The following POFUT3 variants were observed in gnomAD, a reference collection of about 807,000 sequenced individuals.
POFUT3 encodes the protein GDP-fucose protein O-fucosyltransferase 3.
chr8:33,342,649 C>T, the POFUT3 span, among the ~76,000 whole-genome samples: 1 of 152,134 alleles, frequency 6.6e-6, no homozygotes, highest in Admixed American at 6.5e-5. Flanking sequence ...AAAACTAAAA[C>T]TAGTGACAAC....
At chr8:33,331,659 A>C in the POFUT3 span, among the ~76,000 whole-genome samples, 1 of 148,192 alleles carries the variant, frequency 6.7e-6, no homozygotes, top group Non-Finnish European at 1.5e-5. Flanking sequence ...CTATCTCTAA[A>C]GATTTTGTTG....
chr8:33,390,342 C>T, the POFUT3 span, among the ~76,000 whole-genome samples: 6,866 of 151,798 alleles, frequency 0.045, 505 homozygotes, highest in African/African-American at 0.16. Context: ...TCTCATTTTA[C>T]GAAAAAGGAA....
At chr8:33,385,756 T>C in the POFUT3 span, among the ~76,000 whole-genome samples, 155 of 151,932 alleles carry the variant, frequency 1.0e-3, no homozygotes, top group African/African-American at 3.5e-3. Context: ...TGGTGGCAGG[T>C]GCCTGTAATC....
chr8:33,457,409 T>C, the POFUT3 span, among the ~76,000 whole-genome samples: 20 of 152,064 alleles, frequency 1.3e-4, no homozygotes, highest in Admixed American at 1.3e-3. Flanking sequence ...GGCAGGAGGA[T>C]CACTTGAACC....
the POFUT3 span, among the ~76,000 whole-genome samples, chr8:33,312,344 G>C: frequency 1.3e-5 from 2 of 151,972 alleles, no homozygotes; most frequent in Non-Finnish European, 2.9e-5. Context: ...TGATGACAGA[G>C]GCAGAGATGG....
chr8:33,395,993 T>C, the POFUT3 span, among the ~76,000 whole-genome samples: 2 of 152,168 alleles, frequency 1.3e-5, no homozygotes, highest in Admixed American at 6.5e-5. Context: ...CCAATTCTCA[T>C]GTAGCAGAGC....
chr8:33,380,025 A>AC, the POFUT3 span, among the ~76,000 whole-genome samples: 5 of 84,618 alleles, frequency 5.9e-5, no homozygotes, highest in South Asian at 7.0e-4. Context: ...GTATATATAT[A>AC]TACTATATAT....
At chr8:33,450,625 T>A in the POFUT3 span, among the ~76,000 whole-genome samples, 2 of 152,164 alleles carry the variant, frequency 1.3e-5, no homozygotes, top group African/African-American at 2.4e-5. Flanking sequence ...GAAGGTAGGT[T>A]GGAGTCAGAT....
the POFUT3 span, among the ~76,000 whole-genome samples, chr8:33,366,221 C>T: frequency 3.3e-5 from 5 of 152,150 alleles, no homozygotes; most frequent in Non-Finnish European, 7.3e-5. Flanking sequence ...ATCACTTAGA[C>T]ATAGGGCAGG....
chr8:33,453,348 G>T, the POFUT3 span: 3 of 1,614,142 alleles, frequency 1.9e-6, no homozygotes, highest in Non-Finnish European at 2.5e-6. Context: ...AGCATAATGG[G>T]GTAGCTGTCC....
the POFUT3 span, among the ~76,000 whole-genome samples, chr8:33,435,711 T>C: frequency 6.6e-6 from 1 of 151,754 alleles, no homozygotes; most frequent in African/African-American, 2.4e-5. Context: ...GGATGGGGTT[T>C]CACCATGTTG....
the POFUT3 span, among the ~76,000 whole-genome samples, chr8:33,417,906 A>T: frequency 6.6e-6 from 1 of 152,152 alleles, no homozygotes; most frequent in Non-Finnish European, 1.5e-5. Flanking sequence ...AGAGAACCCC[A>T]GGGGTCCACA....
chr8:33,399,658 A>ATT, the POFUT3 span, among the ~76,000 whole-genome samples: 18 of 139,624 alleles, frequency 1.3e-4, no homozygotes, highest in African/African-American at 4.4e-4. Flanking sequence ...TCTTTTATTT[A>ATT]TTTGTTTTTT....
the POFUT3 span, among the ~76,000 whole-genome samples, chr8:33,446,123 C>T: frequency 2.0e-5 from 3 of 152,078 alleles, no homozygotes; most frequent in African/African-American, 7.2e-5. Flanking sequence ...CCATGGCAGC[C>T]TTCCAGTGGG....
the POFUT3 span, among the ~76,000 whole-genome samples, chr8:33,378,677 T>C: frequency 6.6e-6 from 1 of 152,164 alleles, no homozygotes; most frequent in Non-Finnish European, 1.5e-5. Flanking sequence ...ATCTGTGGCA[T>C]AGCAATGCAG....
At chr8:33,418,724 G>A in the POFUT3 span, among the ~76,000 whole-genome samples, 1 of 152,132 alleles carries the variant, frequency 6.6e-6, no homozygotes, top group South Asian at 2.1e-4. Flanking sequence ...TCCCACTGCT[G>A]GGTATCTTTC....
At chr8:33,437,864 T>C in the POFUT3 span, among the ~76,000 whole-genome samples, 1 of 152,128 alleles carries the variant, frequency 6.6e-6, no homozygotes, top group South Asian at 2.1e-4. Flanking sequence ...TTTCTAGATA[T>C]AAAGTTTTGG....
chr8:33,453,108 A>C, the POFUT3 span: 1 of 1,084,940 alleles, frequency 9.2e-7, no homozygotes, highest in Non-Finnish European at 1.4e-6. Flanking sequence ...CAGGGGTGTC[A>C]AAGTGTTTTC....
the POFUT3 span, among the ~76,000 whole-genome samples, chr8:33,401,637 T>A: frequency 6.6e-6 from 1 of 152,192 alleles, no homozygotes; most frequent in Non-Finnish European, 1.5e-5. Context: ...GCTACCCTAT[T>A]TTCAAGAATG....
Sources: gnomAD v4.1 joint callset for allele counts (sites outside exome capture counted in the v4.1 genomes callset) on GRCh38, gnomAD v4.1.1 for gene constraint, MANE v1.5 for transcripts, NCBI Gene and HGNC (gene_info 2026-07-23, HGNC 2026-07-21) for gene names.